CDH2: variants seen among roughly 807,000 people sequenced by gnomAD.
CDH2 encodes the protein cadherin 2, also known as cadherin-2.
In CDH2, 17 loss-of-function variants were observed where a neutral mutation model predicts 92.0. The observed-to-expected ratio is 0.18, with a 90% confidence interval of 0.13 to 0.28. The LOEUF is 0.28. Among genes scored for constraint, CDH2 ranks in the 10% least tolerant of loss-of-function variants. The pLI, the probability that CDH2 is intolerant of heterozygous loss-of-function variation, is 1.00. For synonymous variants in CDH2, 419 were observed against 415.9 expected, an observed-to-expected ratio of 1.01 and a Z score of -0.09; for missense variants, 862 against 1,133.1, an observed-to-expected ratio of 0.76 and a Z score of 3.44.
At chr18:27,963,262 A>G in intron 15 of CDH2, 95 bp downstream of exon 15, 2 of 1,110,892 alleles carry the variant, frequency 1.8e-6, no homozygotes, top group Non-Finnish European at 1.3e-6. Flanking sequence ...TTAGTGAACT[A>G]TATAGCTGTA....
intron 2 of CDH2, among the ~76,000 whole-genome samples, chr18:28,085,647 T>C (rs1244780160): frequency 6.6e-6 from 1 of 152,176 alleles, no homozygotes; most frequent in African/African-American, 2.4e-5. Flanking sequence ...TACTTTGTAC[T>C]GACTGACATT....
chr18:28,000,412 A>G (rs1599023203), intron 7 of CDH2, among the ~76,000 whole-genome samples: 3 of 152,142 alleles, frequency 2.0e-5, no homozygotes, highest in Admixed American at 6.5e-5. Context: ...TGAATGCTTT[A>G]TGTGTCATGT....
chr18:28,007,449 C>T (rs1301207407), intron 5 of CDH2, among the ~76,000 whole-genome samples: 1 of 151,374 alleles, frequency 6.6e-6, no homozygotes, highest in Non-Finnish European at 1.5e-5. Flanking sequence ...CCATTGGTTG[C>T]TGCTGGATAC....
At chr18:28,152,960 C>T (rs936006449) in intron 1 of CDH2, among the ~76,000 whole-genome samples, 2 of 152,114 alleles carry the variant, frequency 1.3e-5, no homozygotes, top group African/African-American at 4.8e-5. Flanking sequence ...ATGATGCCTT[C>T]CCTCATGTTT....
At chr18:28,108,005 C>A (rs2015350734) in intron 2 of CDH2, among the ~76,000 whole-genome samples, 1 of 152,166 alleles carries the variant, frequency 6.6e-6, no homozygotes, top group Non-Finnish European at 1.5e-5. Flanking sequence ...CAAATCTTCC[C>A]CTCTGTTACA....
intron 2 of CDH2, among the ~76,000 whole-genome samples, chr18:28,072,371 CATGTGGCT>C (rs549318063): frequency 1.2e-3 from 176 of 152,300 alleles, no homozygotes; most frequent in African/African-American, 4.0e-3. Context: ...CGCCTGTATT[CATGTGGCT>C]CTGTCTTTCC....
intron 5 of CDH2, among the ~76,000 whole-genome samples, chr18:28,008,053 G>T (rs2012991455): frequency 6.6e-6 from 1 of 152,030 alleles, no homozygotes; most frequent in Non-Finnish European, 1.5e-5. Context: ...CTTTTAATGT[G>T]CAAGTAGCAA....
At chr18:28,138,468 G>A (rs1016389704) in intron 2 of CDH2, among the ~76,000 whole-genome samples, 4 of 152,072 alleles carry the variant, frequency 2.6e-5, no homozygotes, top group East Asian at 1.9e-4. Context: ...CAAGACCCAC[G>A]AAGTATTGAG....
intron 13 of CDH2, 103 bp from the exon 14 acceptor site, chr18:27,983,186 AG>A: frequency 1.2e-6 from 1 of 818,950 alleles, no homozygotes; most frequent in Non-Finnish European, 1.9e-6. Flanking sequence ...TATGAACTGA[AG>A]GCCTGAAATG....
chr18:28,168,788 A>T (rs1346938583), intron 1 of CDH2, among the ~76,000 whole-genome samples: 1 of 152,086 alleles, frequency 6.6e-6, no homozygotes, highest in African/African-American at 2.4e-5. Flanking sequence ...TTAAACAGAG[A>T]GTGTAATTCA....
downstream of CDH2, among the ~76,000 whole-genome samples, chr18:27,947,312 G>C (rs900884284): frequency 2.0e-5 from 3 of 151,746 alleles, no homozygotes; most frequent in African/African-American, 2.4e-5. Context: ...AAAATTATTA[G>C]AGTGTAATAA....
intron 2 of CDH2, among the ~76,000 whole-genome samples, chr18:28,087,945 AT>A (rs1000255819): frequency 1.3e-5 from 2 of 152,030 alleles, no homozygotes; most frequent in South Asian, 2.1e-4. Flanking sequence ...CTCCCGCCTC[AT>A]TTTTTTCCTC....
chr18:28,102,764 G>A (rs2015247536), intron 2 of CDH2, among the ~76,000 whole-genome samples: 1 of 152,038 alleles, frequency 6.6e-6, no homozygotes. Flanking sequence ...GTGGCAAGGG[G>A]TGGGCAGTAG....
chr18:28,132,186 G>C (rs1236565283), intron 2 of CDH2, among the ~76,000 whole-genome samples: 1 of 152,168 alleles, frequency 6.6e-6, no homozygotes. Context: ...TCACATCCTT[G>C]CTGAGACCTT....
chr18:28,031,031 C>T (rs533408128), intron 2 of CDH2, among the ~76,000 whole-genome samples: 4 of 151,380 alleles, frequency 2.6e-5, no homozygotes, highest in African/African-American at 7.3e-5. Flanking sequence ...ACCACCTGTA[C>T]CAAGATGAAT....
At chr18:28,112,056 C>T (rs1318019743) in intron 2 of CDH2, among the ~76,000 whole-genome samples, 3 of 151,992 alleles carry the variant, frequency 2.0e-5, no homozygotes, top group East Asian at 1.9e-4. Flanking sequence ...ACAATGAGCC[C>T]GACAGACAAT....
chr18:28,032,625 T>A (rs1383737691), intron 2 of CDH2, among the ~76,000 whole-genome samples: 2 of 152,126 alleles, frequency 1.3e-5, no homozygotes. Flanking sequence ...CATTTGGATA[T>A]CATCTATAAT....
chr18:28,126,978 T>C (rs1416280511), intron 2 of CDH2, among the ~76,000 whole-genome samples: 2 of 152,094 alleles, frequency 1.3e-5, no homozygotes, highest in Non-Finnish European at 2.9e-5. Flanking sequence ...GAGGCAGAGA[T>C]GCTGGAGGGG....
At position 27,951,115 on chromosome 18, in the gene CDH2, CACTT is replaced by C. The variant is rs564005798; in HGVS notation, c.*1034_*1037del. 12 of 149,478 alleles carry C rather than the reference CACTT, an allele frequency of 8.0e-5. No individual in the cohort carries two copies. The highest frequency in any genetic ancestry group is 2.1e-4 in the South Asian group (1 of 4,754). The allele number at this position is 149,478 out of a possible 1,614,324, so 9.3% of individuals were successfully genotyped here. On this transcript the variant is annotated 3_prime_UTR_variant, in exon 16 of 16. Transcript: ENST00000269141. ...TCCATTTTTTTTTTAAAAAAACACA[CACTT>C]AGTAGTGCCACCAGTGTCAGGCCAC...
Sources: allele counts gnomAD v4.1 joint callset (sites outside exome capture counted in the v4.1 genomes callset), GRCh38; gene constraint gnomAD v4.1.1; transcripts MANE v1.5; gene names NCBI Gene and HGNC (gene_info 2026-07-23, HGNC 2026-07-21).